The following LAMA1 variants were observed in gnomAD, a reference collection of about 807,000 sequenced individuals.
LAMA1 encodes the protein laminin subunit alpha-1.
A neutral mutation model predicts 348.7 loss-of-function variants in LAMA1; 219 were observed. The observed-to-expected ratio is 0.63, with a 90% CI of 0.56 to 0.70. The LOEUF (loss-of-function observed/expected upper bound fraction) is 0.70, where lower values mean the gene tolerates loss of function less well. Among genes scored for constraint, LAMA1 ranks in the 30% least tolerant of loss-of-function variants. The probability of loss-of-function intolerance (pLI) is 0.00; values close to 1 mark genes in which losing one functional copy is unlikely to be tolerated. For missense variants in LAMA1, 3,744 were observed against 3,888.0 expected, an observed-to-expected ratio of 0.96 and a Z score of 0.99; for synonymous variants, 1,487 against 1,491.0, an observed-to-expected ratio of 1.00 and a Z score of 0.06.
chr18:7,053,147 A>G (rs988009239), intron 3 of LAMA1, among the ~76,000 whole-genome samples: 3 of 152,252 alleles, frequency 2.0e-5, no homozygotes, highest in African/African-American at 7.2e-5. Context: ...CTATGAAGAC[A>G]GCAAAAAGAT....
chr18:6,973,163 T>C lies in LAMA1; in HGVS notation c.6668A>G (p.Asn2223Ser). 6.2e-7 allele frequency: 1 copy of C among 1,614,200 alleles called. No homozygotes were observed. Among genetic ancestry groups the C allele is most frequent in the Non-Finnish European group, 8.5e-7 (1 of 1,180,008 alleles). Reference sequence around the variant, plus strand: ...ACTTGTTTTTGTTGGTGACTTTTGATTTGAGCTCATTTCCTTTACACTCAG... The same window carrying C: ...ACTTGTTTTTGTTGGTGACTTTTGACTTGAGCTCATTTCCTTTACACTCAG... ...GSLSVKEMSS[N>S]QKSPTKTSKS... The change falls in exon 47 of 63, where the codon AAT (asparagine) becomes AGT (serine). Residue 2223 changes from asparagine (N) to serine (S), a missense_variant. Physicochemically the swap from Asn to Ser is conservative, Grantham distance 46. Coordinates refer to ENST00000389658, the MANE Select transcript of LAMA1 (RefSeq NM_005559.4).
At chr18:7,008,707 G>T in intron 27 of LAMA1, 99 bp from the exon 28 acceptor site, 2 of 1,416,208 alleles carry the variant, frequency 1.4e-6, no homozygotes, top group Non-Finnish European at 9.9e-7. Flanking sequence ...TGAAACCAGA[G>T]CTTTCTTCCC....
chr18:7,097,849 C>G (rs2058268669), intron 1 of LAMA1, among the ~76,000 whole-genome samples: 1 of 151,334 alleles, frequency 6.6e-6, no homozygotes, highest in African/African-American at 2.4e-5. Context: ...CCCCTCTCCC[C>G]TCTCCCCTCT....
chr18:7,046,312 T>C lies in LAMA1; in HGVS notation c.824A>G (p.His275Arg). The C allele has an allele frequency of 6.2e-7, 1 of 1,612,310 alleles. No individual in the cohort carries two copies. The highest frequency in any genetic ancestry group is 8.5e-7 in the Non-Finnish European group (1 of 1,178,724). Residue 275 changes from histidine to arginine, a missense_variant, in exon 6 of 63, where the codon CAT becomes CGT. His to Arg is a conservative substitution (Grantham distance 29, BLOSUM62 0). Coordinates refer to ENST00000389658, the MANE Select transcript of LAMA1 (RefSeq NM_005559.4). ...TTCATCCCATGGGCAGCTACTAGCA[T>C]GGCCATAGCAGATACACATGCCTCC... is the stretch of plus-strand genomic sequence containing the variant. ...SVGGMCICYG[H>R]ASSCPWDETT...
chr18:7,088,147 G>A (rs1026728312), intron 1 of LAMA1, among the ~76,000 whole-genome samples: 19 of 152,156 alleles, frequency 1.2e-4, no homozygotes, highest in African/African-American at 4.1e-4. Flanking sequence ...AGGCCTAAAG[G>A]AAAGGCTGAC....
intron 1 of LAMA1, among the ~76,000 whole-genome samples, chr18:7,114,693 G>T (rs1453062853): frequency 1.3e-5 from 2 of 152,106 alleles, no homozygotes; most frequent in Non-Finnish European, 2.9e-5. Flanking sequence ...TAAAGCCAGA[G>T]AATTAAACAC....
intron 21 of LAMA1, 61 bp downstream of exon 21, chr18:7,016,430 A>C: frequency 3.6e-5 from 55 of 1,548,554 alleles, no homozygotes; most frequent in African/African-American, 6.8e-5. Context: ...AAGTAGAGGG[A>C]GGGCCCAAGG....
chr18:7,057,880 C>T (rs2058088621), intron 3 of LAMA1, among the ~76,000 whole-genome samples: 1 of 150,896 alleles, frequency 6.6e-6, no homozygotes, highest in Non-Finnish European at 1.5e-5. Flanking sequence ...CTGCAACCTC[C>T]ACCTCCTGGG....
chr18:7,039,026 T>C (rs1407446982), intron 10 of LAMA1, 76 bp from the exon 11 acceptor site: 8 of 1,236,042 alleles, frequency 6.5e-6, no homozygotes, highest in South Asian at 2.4e-5. Context: ...ATTAACAAGA[T>C]AGGTGTTCGG....
chr18:6,953,064 A>G (rs1489807959), intron 57 of LAMA1, among the ~76,000 whole-genome samples: 4 of 145,136 alleles, frequency 2.8e-5, no homozygotes, highest in African/African-American at 1.0e-4. Flanking sequence ...CGGCGGATCC[A>G]CGCCATGGGA....
intron 1 of LAMA1, among the ~76,000 whole-genome samples, chr18:7,115,140 C>A (rs981196183): frequency 6.6e-6 from 1 of 152,078 alleles, no homozygotes; most frequent in Non-Finnish European, 1.5e-5. Context: ...AATACAGTGA[C>A]AGAAAAGAAA....
chr18:6,981,269 A>T (rs570833), intron 41 of LAMA1, among the ~76,000 whole-genome samples: 64 of 152,300 alleles, frequency 4.2e-4, no homozygotes, highest in African/African-American at 1.4e-3. Context: ...TTAATCAGAC[A>T]CACTAACTTT....
intron 5 of LAMA1, among the ~76,000 whole-genome samples, chr18:7,048,822 T>C (rs7227261): frequency 0.01 from 1,547 of 152,150 alleles, 22 homozygotes; most frequent in African/African-American, 0.036. Context: ...ACAAAGACCA[T>C]GGCATTCACC....
At position 7,013,999 on chromosome 18, in the gene LAMA1, G is replaced by T. The variant is rs761513960; in HGVS notation, c.3179C>A (p.Thr1060Asn). The part of the protein sequence containing the change: ...GSTHHRCDVV[T>N]GHCQCKSKFG... The stretch of plus-strand genomic sequence containing the variant: ...TTTTGACTTGCACTGGCAATGGCCG[G>T]TGACCACATCGCACCGATGATGAGT... Residue 1060 changes from threonine (T) to asparagine (N), a missense_variant, in exon 23 of 63, where the codon ACC (threonine) becomes AAC (asparagine). Physicochemically the swap from Thr to Asn is moderately conservative, Grantham distance 65 (BLOSUM62 0). This residue lies in a region of LAMA1 where 1,529 missense variants were observed against 1,689.4 expected (regional missense o/e 0.91). Coordinates refer to ENST00000389658, the MANE Select transcript of LAMA1 (RefSeq NM_005559.4). 6.2e-7 allele frequency: 1 copy of T among 1,613,986 alleles called. No individual in the cohort carries two copies. The highest frequency in any genetic ancestry group is 1.7e-5 in the Admixed American group (1 of 59,994).
At position 6,990,609 on chromosome 18, in the gene LAMA1, A is replaced by G. The variant is rs143186987; in HGVS notation, c.5168+1952T>C. Among the ~76,000 whole-genome samples the G allele has an allele frequency of 1.0e-2, 1,521 of 152,162 alleles. 9 individuals are homozygous for G. The highest frequency in any genetic ancestry group is 0.015 in the Non-Finnish European group (1,001 of 68,012). ...CGTTCGCACCTTGGCTTCTGTCACC[A>G]CTACCCATTGCCTCTCAAATTCGAT... On this transcript the variant is annotated intron_variant, in intron 36 of 62. Transcript: ENST00000389658.
chr18:7,024,218 A>T (rs2057932174), intron 18 of LAMA1, among the ~76,000 whole-genome samples, 162 bp downstream of exon 18: 1 of 152,202 alleles, frequency 6.6e-6, no homozygotes, highest in South Asian at 2.1e-4. Context: ...AAGGTTTAAC[A>T]TTAATTTTAA....
Position 6,949,166 on chromosome 18 carries a change from C to T in LAMA1, c.8491G>A (p.Asp2831Asn), listed in dbSNP as rs1394108610. ...VTVVGDGTML[D>N]VEGLFYLGGL... The stretch of plus-strand genomic sequence containing the variant: ...CCTAGGTAGAACAAACCCTCCACAT[C>T]CAGCATGGTTCCATCTCCCACCACA... The change falls in exon 59 of 63, where the codon GAT becomes AAT. Residue 2831 changes from aspartate (D) to asparagine (N), a missense_variant. Around this residue, in one of 3 missense-constraint regions of LAMA1, gnomAD observed 1,983 missense variants for 1,934.3 expected, o/e 1.03. Coordinates refer to ENST00000389658, the MANE Select transcript of LAMA1 (RefSeq NM_005559.4). 6.2e-7 allele frequency: 1 copy of T among 1,614,080 alleles called. No homozygotes were observed. Among genetic ancestry groups the T allele is most frequent in the Non-Finnish European group, 8.5e-7 (1 of 1,180,038 alleles).
In LAMA1 at chr18:7,027,671, G is replaced by A. The variant is rs74535368; in HGVS notation, c.2275-1565C>T. On this transcript the variant is annotated intron_variant, in intron 16 of 62. Transcript: ENST00000389658. ...TAAAACACTGTTATAGGCCAGGCGC[G>A]GTGGTTCACGCCTGTAATCCCAGCA... Among the ~76,000 whole-genome samples the A allele has an allele frequency of 9.6e-4, 146 of 152,286 alleles. 1 individual carries two copies. The East Asian group carries it at 0.013, about 14-fold the overall frequency.
chr18:6,954,769 AGACGGGCAGGGC>A, intron 57 of LAMA1: 1 of 184,314 alleles, frequency 5.4e-6, no homozygotes, highest in Admixed American at 5.3e-5. Flanking sequence ...AATGACAACA[AGACGGGCAGGGC>A]ATGGCAGAGA....
Sources: allele counts gnomAD v4.1 joint callset (sites outside exome capture counted in the v4.1 genomes callset), GRCh38; gene constraint gnomAD v4.1.1; regional missense constraint gnomAD v4.1.1; transcripts MANE v1.5; gene names NCBI Gene and HGNC (gene_info 2026-07-23, HGNC 2026-07-21).